Variants in TEX15 observed in about 807,000 individuals in gnomAD.
TEX15 encodes the protein testis expressed 15, meiosis and synapsis associated, also known as testis-expressed protein 15.
TEX15 carries 171 observed loss-of-function variants against 237.3 expected under a neutral mutation model. The ratio of observed to expected loss-of-function variants is 0.72; its 90% CI spans 0.64 to 0.82. The LOEUF (loss-of-function observed/expected upper bound fraction) is 0.82. Among genes scored for constraint, TEX15 ranks in the 40% least tolerant of loss-of-function variants. TEX15 has a pLI of 0.00. For missense variants in TEX15, 3,750 were observed against 3,646.5 expected, an observed-to-expected ratio of 1.03 and a Z score of -0.73; for synonymous variants, 1,338 against 1,269.8, an observed-to-expected ratio of 1.05 and a Z score of -1.14.
chr8:30,838,424 T>C (rs955876754), intron 9 of TEX15, among the ~76,000 whole-genome samples: 2 of 152,096 alleles, frequency 1.3e-5, no homozygotes. Flanking sequence ...TCTTCATTAC[T>C]TGTAAATAGC....
chr8:30,846,657 C>T lies in TEX15; in HGVS notation c.3510G>A (p.Pro1170=), dbSNP rs149326814. ...CTTTCAATGCAAGGGAGTCAGCTGT[C>T]GGGCTGAATCCTGGCCTAAATATAT... ...ITNIFRPGFS[P]TADSLALKDS... is the part of the protein sequence containing the mutation. Residue 1170 remains proline, a synonymous_variant, in exon 8 of 11, where the codon CCG becomes CCA. Coordinates refer to ENST00000643185, the MANE Select transcript of TEX15 (RefSeq NM_001350162.2). The T allele has an allele frequency of 3.2e-4, 511 of 1,613,824 alleles. 1 individual carries two copies. The African/African-American group carries it at 5.9e-3, about 19-fold the overall frequency.
At chr8:30,873,540 T>C (rs1338958091) in intron 4 of TEX15, among the ~76,000 whole-genome samples, 1 of 152,118 alleles carries the variant, frequency 6.6e-6, no homozygotes, top group African/African-American at 2.4e-5. Flanking sequence ...TTGGGAATAC[T>C]GGAGGGGTGG....
chr8:30,906,218 C>T (rs528360630), intron 1 of TEX15, among the ~76,000 whole-genome samples: 115 of 152,270 alleles, frequency 7.6e-4, no homozygotes, highest in African/African-American at 2.1e-3. Context: ...AATCATCTAA[C>T]ATTCCTCCAT....
At chr8:30,906,935 C>G (rs1218250397) in intron 1 of TEX15, among the ~76,000 whole-genome samples, 1 of 152,016 alleles carries the variant, frequency 6.6e-6, no homozygotes, top group African/African-American at 2.4e-5. Context: ...GAACTTAAAA[C>G]AATTTTTTTT....
At chr8:30,899,102 C>G (rs573299331) in intron 1 of TEX15, among the ~76,000 whole-genome samples, 1 of 152,204 alleles carries the variant, frequency 6.6e-6, no homozygotes, top group African/African-American at 2.4e-5. Flanking sequence ...TATCCAGAGT[C>G]CCAGTGTCAG....
intron 5 of TEX15, among the ~76,000 whole-genome samples, chr8:30,862,241 T>C (rs1025100065): frequency 2.6e-5 from 4 of 152,094 alleles, no homozygotes; most frequent in African/African-American, 4.8e-5. Flanking sequence ...CATTTAGGAG[T>C]GTAAAAACAA....
At chr8:30,861,256 G>GTTT (rs1353445746) in intron 5 of TEX15, among the ~76,000 whole-genome samples, 3 of 152,056 alleles carry the variant, frequency 2.0e-5, no homozygotes, top group Non-Finnish European at 4.4e-5. Context: ...ACTGTAGAAA[G>GTTT]AAACATAGGC....
intron 4 of TEX15, among the ~76,000 whole-genome samples, chr8:30,871,953 G>T (rs957673731): frequency 6.6e-6 from 1 of 152,132 alleles, no homozygotes; most frequent in African/African-American, 2.4e-5. Flanking sequence ...GCTAACAATT[G>T]TCAGTATTAA....
intron 1 of TEX15, among the ~76,000 whole-genome samples, chr8:30,901,689 A>C (rs1280191153): frequency 6.6e-6 from 1 of 152,238 alleles, no homozygotes; most frequent in Non-Finnish European, 1.5e-5. Context: ...GAAATGAAGT[A>C]ATCAGTGTGG....
chr8:30,895,676 C>CTTTTTTTTTTTTTTTTTTT lies in TEX15; in HGVS notation c.-10+3047_-10+3065dup, dbSNP rs34002027. Among the ~76,000 whole-genome samples the CTTTTTTTTTTTTTTTTTTT allele has an allele frequency of 1.7e-4, 10 of 60,048 alleles. 3 individuals are homozygous for CTTTTTTTTTTTTTTTTTTT. Among genetic ancestry groups the CTTTTTTTTTTTTTTTTTTT allele is most frequent in the Admixed American group, 5.8e-4 (2 of 3,436 alleles). The allele number at this position is 60,048 out of a possible 152,430, so 39.4% of individuals were successfully genotyped here. A position where few individuals can be genotyped will look rare whatever the true frequency, so the allele number is the denominator to read the frequency against. On this transcript the variant is annotated intron_variant, in intron 2 of 10. Transcript: ENST00000643185. ...CATGTCAACACCTTTTAAACACATG[C>CTTTTTTTTTTTTTTTTTTT]TTTTTTTTTTTTTTTTTTTTTTTTG...
chr8:30,903,259 A>C (rs2128779465), intron 1 of TEX15, among the ~76,000 whole-genome samples: 1 of 152,360 alleles, frequency 6.6e-6, no homozygotes, highest in African/African-American at 2.4e-5. Flanking sequence ...AAATGAGAGC[A>C]GACTTAAAAA....
rs189337420 is a variant in TEX15 at position 30,900,984 on chromosome 8, C to T, written c.-85-2167G>A. 1.4e-3 allele frequency among the ~76,000 whole-genome samples: 207 copies of T among 152,140 alleles called. 1 individual carries two copies. The highest frequency in any genetic ancestry group is 3.3e-3 in the Admixed American group (50 of 15,292). On this transcript the variant is annotated intron_variant, in intron 1 of 10. Transcript: ENST00000643185. Reference sequence around the variant, plus strand: ...ACCAGCTCGGGCAACATAGTGGGACCAAAAAGTTAAAAAATTAGCCAGGCG... The same window carrying T: ...ACCAGCTCGGGCAACATAGTGGGACTAAAAAGTTAAAAAATTAGCCAGGCG...
At position 30,837,848 on chromosome 8, in the gene TEX15, CT is replaced by C; in HGVS notation, c.8435del (p.Gln2812ArgfsTer4). ...TTTTCTTCATGCTATTTAAATTTTCCTGTTGTCCACTGAAGTGATCAGATGA... is the reference window on the plus strand; with the variant it reads ...TTTTCTTCATGCTATTTAAATTTTCCGTTGTCCACTGAAGTGATCAGATGA... ...TVSSDHFSGQ[Q>X]ENLNSMKKRN... is the part of the protein sequence containing the mutation. On this transcript the variant is annotated frameshift_variant, in exon 10 of 11. Transcript: ENST00000643185. LOFTEE classifies it high-confidence loss of function. The C allele has an allele frequency of 6.2e-7, 1 of 1,614,068 alleles. No individual in the cohort carries two copies. The highest frequency in any genetic ancestry group is 8.5e-7 in the Non-Finnish European group (1 of 1,179,998).
chr8:30,900,187 G>A (rs1454151819), intron 1 of TEX15, among the ~76,000 whole-genome samples: 1 of 152,114 alleles, frequency 6.6e-6, no homozygotes, highest in Non-Finnish European at 1.5e-5. Flanking sequence ...TTACTAGTTC[G>A]TGTATATTTT....
chr8:30,877,810 C>T (rs1285065211), intron 3 of TEX15, among the ~76,000 whole-genome samples: 1 of 152,132 alleles, frequency 6.6e-6, no homozygotes, highest in African/African-American at 2.4e-5. Flanking sequence ...CTTATTAAGA[C>T]TTTACCAACC....
Position 30,880,219 on chromosome 8 carries a change from C to T in TEX15, c.137-5117G>A, listed in dbSNP as rs182030144. Among the ~76,000 whole-genome samples the T allele has an allele frequency of 2.5e-4, 28 of 111,080 alleles. No homozygotes were observed. In the East Asian group the frequency reaches 5.5e-3, roughly 22 times the overall value. 72.9% of individuals were successfully genotyped at this position (111,080 alleles called of 152,430 possible). A position where few individuals can be genotyped will look rare whatever the true frequency, so the allele number is the denominator to read the frequency against. ...AATTTTTTTCTGTTTTTAGTAGAGA[C>T]GGGGTTTCGCCATGTGGCCAGGCTG... On this transcript the variant is annotated intron_variant, in intron 3 of 10. Transcript: ENST00000643185.
chr8:30,876,583 C>T (rs1808404166), intron 3 of TEX15, among the ~76,000 whole-genome samples: 2 of 152,168 alleles, frequency 1.3e-5, no homozygotes, highest in Non-Finnish European at 2.9e-5. Context: ...TACAGATTGG[C>T]AAGTTTCTTC....
rs1024401515 is a variant in TEX15 at position 30,887,256 on chromosome 8, C to A, written c.47G>T (p.Ser16Ile). The A allele has an allele frequency of 4.6e-5, 71 of 1,535,788 alleles. No individual in the cohort carries two copies. Among genetic ancestry groups the A allele is most frequent in the Non-Finnish European group, 5.5e-5 (63 of 1,146,826 alleles). Residue 16 changes from serine to isoleucine, a missense_variant, in exon 3 of 11, where the codon AGC becomes ATC. Coordinates refer to ENST00000643185, the MANE Select transcript of TEX15 (RefSeq NM_001350162.2). ...TAKQDTLWQM[S>I]STSKPVLNTR... The stretch of plus-strand genomic sequence containing the variant: ...ATTCAACACGGGTTTGCTAGTTGAG[C>A]TCATTTGCCACAGTGTATCCTGTTT...
At chr8:30,840,762 C>T (rs193028068) in intron 8 of TEX15, among the ~76,000 whole-genome samples, 38 of 152,160 alleles carry the variant, frequency 2.5e-4, no homozygotes, top group Admixed American at 2.0e-4. Context: ...ATTAGAAAAA[C>T]GAATTTCATA....
Sources: allele counts gnomAD v4.1 joint callset (sites outside exome capture counted in the v4.1 genomes callset), GRCh38; gene constraint gnomAD v4.1.1; transcripts MANE v1.5; gene names NCBI Gene and HGNC (gene_info 2026-07-23, HGNC 2026-07-21).